ADCY1: variants seen among roughly 807,000 people sequenced by gnomAD.
The protein encoded by ADCY1 is adenylate cyclase type 1.
In ADCY1, 28 loss-of-function variants were observed where a neutral mutation model predicts 105.4. The observed-to-expected ratio is 0.27, with a 90% CI of 0.20 to 0.36. The LOEUF is 0.36. Among genes scored for constraint, ADCY1 ranks in the 10% least tolerant of loss-of-function variants. The pLI is 1.00. For missense variants in ADCY1, 977 were observed against 1,434.2 expected (o/e 0.68, Z 5.15); for synonymous variants, 655 against 623.8 (o/e 1.05, Z -0.75).
chr7:45,652,071 G>C (rs1206954551), intron 5 of ADCY1, among the ~76,000 whole-genome samples: 4 of 152,198 alleles, frequency 2.6e-5, no homozygotes, highest in Non-Finnish European at 5.9e-5. Context: ...GAAGGCAAAG[G>C]GGAGGCAAGC....
intron 6 of ADCY1, among the ~76,000 whole-genome samples, chr7:45,658,442 C>T (rs1342516243): frequency 6.6e-6 from 1 of 152,130 alleles, no homozygotes; most frequent in Middle Eastern, 3.2e-3. Flanking sequence ...TTCCATGCAC[C>T]CCTCTGCCAC....
intron 10 of ADCY1, 150 bp downstream of exon 10, chr7:45,678,413 C>G: frequency 1.4e-6 from 1 of 728,048 alleles, no homozygotes; most frequent in Non-Finnish European, 2.3e-6. Flanking sequence ...CCCAACATGG[C>G]TGACATTAGC....
chr7:45,714,210 C>G lies in ADCY1; in HGVS notation c.*215C>G, dbSNP rs144537423. ...AGTGACTCGGTGAGGGGAGGACACC[C>G]GACTGTGCACACTTCCAGGCCTCCC... On this transcript the variant is annotated 3_prime_UTR_variant, in exon 20 of 20. Coordinates refer to ENST00000297323, the MANE Select transcript of ADCY1 (RefSeq NM_021116.4). The G allele has an allele frequency of 1.7e-6, 1 of 578,384 alleles. No individual in the cohort carries two copies. The highest frequency in any genetic ancestry group is 3.0e-5 in the Admixed American group (1 of 33,064). The allele number at this position is 578,384 out of a possible 1,614,324, so 35.8% of individuals were successfully genotyped here.
intron 5 of ADCY1, among the ~76,000 whole-genome samples, chr7:45,650,945 C>T (rs1379195342): frequency 4.6e-5 from 7 of 152,134 alleles, no homozygotes; most frequent in Non-Finnish European, 7.4e-5. Flanking sequence ...GAACCTGTGT[C>T]CTCTTGGCCA....
Position 45,626,387 on chromosome 7 carries a change from G to A in ADCY1, c.1020+3644G>A, listed in dbSNP as rs949781364. ...GTGGCTGATGTGTTGGCCTCTGGGC[G>A]GTGGAGTGTCCTGGGAGTCAGCCCC... On this transcript the variant is annotated intron_variant, in intron 4 of 19. Transcript: ENST00000297323. Among the ~76,000 whole-genome samples, 7 of 152,308 alleles carry A rather than the reference G, an allele frequency of 4.6e-5. No homozygotes were observed. The East Asian group carries it at 5.8e-4, about 13-fold the overall frequency.
chr7:45,635,348 ATTTT>A (rs1225538600), intron 4 of ADCY1, among the ~76,000 whole-genome samples: 3 of 149,394 alleles, frequency 2.0e-5, no homozygotes, highest in African/African-American at 4.9e-5. Flanking sequence ...TGATTTCTCT[ATTTT>A]TTCTATTTAG....
At chr7:45,649,095 TC>T (rs1794745926) in intron 5 of ADCY1, among the ~76,000 whole-genome samples, 1 of 152,176 alleles carries the variant, frequency 6.6e-6, no homozygotes, top group Admixed American at 6.5e-5. Context: ...AATAAATTAG[TC>T]TTTAGCTTAG....
At chr7:45,685,426 G>GGTGGGAGTAACAGGATGGAGTTTGTA (rs1397215123) in intron 12 of ADCY1, among the ~76,000 whole-genome samples, 2 of 151,770 alleles carry the variant, frequency 1.3e-5, no homozygotes, top group South Asian at 2.1e-4. Context: ...GATGGAAGTG[G>GGTGGGAGTAACAGGATGGAGTTTGTA]GTGGGAGTAA....
At position 45,622,500 on chromosome 7, in the gene ADCY1, C is replaced by T. The variant is rs990313012; in HGVS notation, c.909-132C>T. 6.0e-6 allele frequency: 4 copies of T among 662,314 alleles called. No individual in the cohort carries two copies. In the African/African-American group the frequency reaches 7.2e-5, roughly 12 times the overall value. The allele number at this position is 662,314 out of a possible 1,614,324, so 41.0% of individuals were successfully genotyped here. ...GATGGGAACCAGGAAGCCTTCATTT[C>T]TGGTCTGCATTGAGGAATAAATGGG... On this transcript the variant is annotated intron_variant, in intron 3 of 19. Coordinates refer to ENST00000297323, the MANE Select transcript of ADCY1 (RefSeq NM_021116.4).
Position 45,704,542 on chromosome 7 carries a change from G to A in ADCY1, c.2743G>A (p.Asp915Asn), listed in dbSNP as rs1785071538. ...GCTCATGGAAAAAGACTTTTACAAG[G>A]ACATAGAGAAGATCAAGACCATCGG... ...DELMEKDFYK[D>N]IEKIKTIGST... Residue 915 changes from aspartate (D) to asparagine (N), a missense_variant, in exon 17 of 20, where the codon GAC (aspartate) becomes AAC (asparagine). Physicochemically the swap from Asp to Asn is conservative, Grantham distance 23. This residue lies in a region of ADCY1 where 152 missense variants were observed against 293.7 expected (regional missense o/e 0.52). Transcript: ENST00000297323. 6.2e-7 allele frequency: 1 copy of A among 1,614,160 alleles called. No individual in the cohort carries two copies. Among genetic ancestry groups the A allele is most frequent in the Admixed American group, 1.7e-5 (1 of 60,014 alleles).
At chr7:45,711,886 A>ACATT (rs1395775904) in intron 19 of ADCY1, among the ~76,000 whole-genome samples, 3 of 104,268 alleles carry the variant, frequency 2.9e-5, no homozygotes, top group Non-Finnish European at 5.3e-5. Flanking sequence ...ATATATAAAT[A>ACATT]TATTTATATA....
At chr7:45,677,180 A>T (rs1784472363) in intron 8 of ADCY1, among the ~76,000 whole-genome samples, 1 of 152,132 alleles carries the variant, frequency 6.6e-6, no homozygotes, top group Non-Finnish European at 1.5e-5. Flanking sequence ...ACCACTCAGT[A>T]GGAATAAAAA....
chr7:45,595,510 T>C (rs1371732390), intron 2 of ADCY1, among the ~76,000 whole-genome samples: 1 of 152,210 alleles, frequency 6.6e-6, no homozygotes, highest in African/African-American at 2.4e-5. Context: ...TTCATGCTTG[T>C]TCACCTTCTG....
At position 45,686,139 on chromosome 7, in the gene ADCY1, C is replaced by A; in HGVS notation, c.2251C>A (p.Pro751Thr). 3 of 1,614,186 alleles carry A rather than the reference C, an allele frequency of 1.9e-6. No homozygotes were observed. The highest frequency in any genetic ancestry group is 2.5e-6 in the Non-Finnish European group (3 of 1,180,036). ...CATATTTTTCCGGGTGTCCTCCTTG[C>A]CAAAAATGATCCTGCTCTCCGGGCT... ...LAIFFRVSSL[P>T]KMILLSGLTT... Residue 751 changes from proline to threonine, a missense_variant, in exon 13 of 20, where the codon CCA becomes ACA. Transcript: ENST00000297323. This position sits in a 1 kb window ranked among gnomAD's most constrained non-coding sequence, Gnocchi z 4.3.
At chr7:45,606,155 A>G (rs865934719) in intron 2 of ADCY1, among the ~76,000 whole-genome samples, 2 of 152,048 alleles carry the variant, frequency 1.3e-5, no homozygotes, top group Non-Finnish European at 2.9e-5. Context: ...GAGGAGAATG[A>G]GATCCCCTTG....
At chr7:45,599,076 G>C (rs550111340) in intron 2 of ADCY1, among the ~76,000 whole-genome samples, 1 of 152,292 alleles carries the variant, frequency 6.6e-6, no homozygotes, top group African/African-American at 2.4e-5. Flanking sequence ...TGACTCCTGT[G>C]TGCTGTCAGC....
intron 2 of ADCY1, among the ~76,000 whole-genome samples, chr7:45,597,095 T>C (rs1175881674): frequency 6.6e-6 from 1 of 152,166 alleles, no homozygotes; most frequent in African/African-American, 2.4e-5. Flanking sequence ...GTCTGCACTT[T>C]ATGGCCCCCA....
chr7:45,605,056 A>G (rs1320121112), intron 2 of ADCY1, among the ~76,000 whole-genome samples: 3 of 152,134 alleles, frequency 2.0e-5, no homozygotes, highest in Non-Finnish European at 4.4e-5. Flanking sequence ...TTAGATTTAC[A>G]CCTCAGTATT....
Position 45,721,903 on chromosome 7 carries a change from CA to C in ADCY1, c.*7909del, listed in dbSNP as rs1785481613. 2.5e-6 allele frequency: 1 copy of C among 398,572 alleles called. No individual in the cohort carries two copies. The highest frequency in any genetic ancestry group is 2.1e-5 in the African/African-American group (1 of 48,750). 24.7% of individuals were successfully genotyped at this position (398,572 alleles called of 1,614,324 possible). ...TATTGAGAATTAATGTTTAAACAGA[CA>C]TAATAGCCTAGATGAACTCCCAAGA... is the stretch of plus-strand genomic sequence containing the variant. On this transcript the variant is annotated 3_prime_UTR_variant, in exon 20 of 20. Coordinates refer to ENST00000297323, the MANE Select transcript of ADCY1 (RefSeq NM_021116.4).
Sources: gnomAD v4.1 joint callset for allele counts (sites outside exome capture counted in the v4.1 genomes callset) on GRCh38, gnomAD v4.1.1 for gene constraint, gnomAD v4.1.1 regional missense constraint, Gnocchi (gnomAD v3.1) non-coding constraint, MANE v1.5 for transcripts, NCBI Gene and HGNC (gene_info 2026-07-23, HGNC 2026-07-21) for gene names.